RXFP1: variants seen among roughly 807,000 people sequenced by gnomAD.
RXFP1 encodes relaxin receptor 1.
Under a neutral mutation model 89.8 loss-of-function variants are expected in RXFP1, and 73 were observed. That is an observed-to-expected ratio of 0.81 (90% confidence interval 0.67 to 0.99). RXFP1 has a LOEUF of 0.99. Ranked by LOEUF, RXFP1 falls within the 50% of genes least tolerant of loss-of-function variation. RXFP1 has a pLI of 0.00. For missense variants in RXFP1, 793 were observed against 895.5 expected (o/e 0.89, Z 1.46); for synonymous variants, 277 against 305.5 (o/e 0.91, Z 0.97).
chr4:158,554,836 C>T (rs1056908291), intron 1 of RXFP1, among the ~76,000 whole-genome samples: 2 of 151,868 alleles, frequency 1.3e-5, no homozygotes, highest in East Asian at 1.9e-4. Context: ...CATAGCTGTG[C>T]GGAAACATTA....
intron 2 of RXFP1, among the ~76,000 whole-genome samples, chr4:158,581,644 T>C (rs533390547): frequency 2.0e-5 from 3 of 152,346 alleles, no homozygotes; most frequent in African/African-American, 4.8e-5. Flanking sequence ...TTGAGTGCTT[T>C]ATACATTTTA....
chr4:158,560,621 C>T (rs1752239892), intron 1 of RXFP1, among the ~76,000 whole-genome samples: 2 of 152,192 alleles, frequency 1.3e-5, no homozygotes, highest in African/African-American at 2.4e-5. Flanking sequence ...GTCTGAGTAG[C>T]CTGATGATTC....
chr4:158,533,195 C>T (rs1744479104), intron 1 of RXFP1, among the ~76,000 whole-genome samples: 1 of 152,188 alleles, frequency 6.6e-6, no homozygotes, highest in South Asian at 2.1e-4. Flanking sequence ...AATATTATCT[C>T]TCTCAAGCAC....
intron 10 of RXFP1, among the ~76,000 whole-genome samples, chr4:158,627,940 CTTGGCAGGTG>C (rs1335614614): frequency 6.6e-6 from 1 of 152,074 alleles, no homozygotes; most frequent in African/African-American, 2.4e-5. Flanking sequence ...TGGATTTCCT[CTTGGCAGGTG>C]TTGTGCTTTT....
At chr4:158,645,684 T>C (rs1283092208) in intron 15 of RXFP1, among the ~76,000 whole-genome samples, 1 of 152,158 alleles carries the variant, frequency 6.6e-6, no homozygotes, top group Non-Finnish European at 1.5e-5. Flanking sequence ...AAATGAACAC[T>C]GCAAAGAAAA....
chr4:158,529,431 G>A (rs574676773), intron 1 of RXFP1, among the ~76,000 whole-genome samples: 16 of 151,958 alleles, frequency 1.1e-4, no homozygotes, highest in African/African-American at 3.9e-4. Context: ...GCTAATTTTT[G>A]TATTTTTTGT....
intron 14 of RXFP1, among the ~76,000 whole-genome samples, chr4:158,643,824 T>C (rs1770905321): frequency 6.6e-6 from 1 of 152,014 alleles, no homozygotes. Flanking sequence ...TGTTCTCCGT[T>C]CTCCATAGTG....
At chr4:158,533,866 TC>T (rs1421238531) in intron 1 of RXFP1, among the ~76,000 whole-genome samples, 6 of 152,322 alleles carry the variant, frequency 3.9e-5, no homozygotes, top group Admixed American at 2.0e-4. Context: ...ATGCTTTTTT[TC>T]CTATTGCTTT....
intron 9 of RXFP1, among the ~76,000 whole-genome samples, chr4:158,624,881 TA>T (rs1441663476): frequency 2.0e-5 from 3 of 152,168 alleles, no homozygotes; most frequent in African/African-American, 4.8e-5. Flanking sequence ...AACCCAAGGT[TA>T]AAATAAATTC....
chr4:158,581,440 G>A (rs1271857480), intron 2 of RXFP1, among the ~76,000 whole-genome samples: 2 of 152,016 alleles, frequency 1.3e-5, no homozygotes, highest in Non-Finnish European at 2.9e-5. Context: ...TGTGTAGTAG[G>A]GCCTTCAAAC....
intron 13 of RXFP1, among the ~76,000 whole-genome samples, chr4:158,639,027 T>C (rs1769818237): frequency 1.3e-5 from 2 of 152,156 alleles, no homozygotes; most frequent in Non-Finnish European, 2.9e-5. Flanking sequence ...CAAAGCATTG[T>C]GCCATGATCT....
At chr4:158,612,399 G>T in intron 8 of RXFP1, 37 bp downstream of exon 8, 1 of 1,388,822 alleles carries the variant, frequency 7.2e-7, no homozygotes, top group Non-Finnish European at 1.0e-6. Flanking sequence ...TCAATCAAAG[G>T]CAAAGACATG....
intron 1 of RXFP1, among the ~76,000 whole-genome samples, chr4:158,525,221 G>GC (rs1287519519): frequency 1.3e-5 from 2 of 149,768 alleles, no homozygotes; most frequent in Admixed American, 6.7e-5. Context: ...TACTTTGGCG[G>GC]GGGGGGGTTG....
upstream of RXFP1, chr4:158,521,773 T>G: frequency 1.9e-6 from 1 of 529,544 alleles, no homozygotes; most frequent in Non-Finnish European, 3.3e-6. Flanking sequence ...GGAGGAGAGA[T>G]CCTGAGAATA....
chr4:158,618,088 G>A (rs544996181), intron 9 of RXFP1, among the ~76,000 whole-genome samples: 143 of 152,074 alleles, frequency 9.4e-4, no homozygotes, highest in Non-Finnish European at 1.9e-3. Flanking sequence ...ACTAAGTCCA[G>A]TAGGCATTTT....
chr4:158,645,716 A>G (rs1771401841), intron 15 of RXFP1, among the ~76,000 whole-genome samples: 1 of 152,204 alleles, frequency 6.6e-6, no homozygotes, highest in Non-Finnish European at 1.5e-5. Context: ...ACCAGTCCTC[A>G]GGATGTTTGT....
chr4:158,632,761 G>A (rs1388550574), intron 11 of RXFP1, among the ~76,000 whole-genome samples: 1 of 152,008 alleles, frequency 6.6e-6, no homozygotes, highest in African/African-American at 2.4e-5. Context: ...ACAATCCTAA[G>A]CGGAAGAAAA....
At chr4:158,608,279 CTTT>C (rs756131500) in intron 6 of RXFP1, among the ~76,000 whole-genome samples, 78 of 76,072 alleles carry the variant, frequency 1.0e-3, no homozygotes, top group African/African-American at 4.8e-3. Context: ...GTATTCCTTT[CTTT>C]TTTTTTTTTT....
intron 1 of RXFP1, among the ~76,000 whole-genome samples, chr4:158,560,493 A>G (rs544601808): frequency 1.2e-4 from 18 of 152,310 alleles, no homozygotes; most frequent in Non-Finnish European, 2.1e-4. Context: ...ACTCTGCAGA[A>G]AGGACACTTC....
Sources: gnomAD v4.1 joint callset for allele counts (sites outside exome capture counted in the v4.1 genomes callset) on GRCh38, gnomAD v4.1.1 for gene constraint, MANE v1.5 for transcripts, NCBI Gene and HGNC (gene_info 2026-07-23, HGNC 2026-07-21) for gene names.